Variants in IFT140 observed in about 807,000 individuals in gnomAD.
The protein encoded by IFT140 is intraflagellar transport protein 140 homolog.
In IFT140, 133 loss-of-function variants were observed where a neutral mutation model predicts 164.6. The observed-to-expected ratio is 0.81, with a 90% CI of 0.70 to 0.93. IFT140 has a LOEUF of 0.93. Among genes scored for constraint, IFT140 ranks in the 40% least tolerant of loss-of-function variants. The pLI is 0.00. For synonymous variants in IFT140, 860 were observed against 817.3 expected (o/e 1.05, Z -0.89); for missense variants, 2,045 against 1,972.3 (o/e 1.04, Z -0.70).
intron 13 of IFT140, among the ~76,000 whole-genome samples, chr16:1,573,119 T>C (rs926423394): frequency 5.9e-5 from 9 of 152,140 alleles, no homozygotes; most frequent in African/African-American, 1.2e-4. Flanking sequence ...GAGGGACGGA[T>C]GGCTGGAGTC....
At chr16:1,530,131 A>ATTTTTTTTTTTTTTTTTTTTT (rs2030295926) in intron 19 of IFT140, among the ~76,000 whole-genome samples, 1 of 126,540 alleles carries the variant, frequency 7.9e-6, no homozygotes, top group African/African-American at 3.7e-5. Flanking sequence ...CACGACGGGA[A>ATTTTTTTTTTTTTTTTTTTTT]TCTTTTTTTT....
At chr16:1,578,677 C>T (rs1375691824) in intron 13 of IFT140, among the ~76,000 whole-genome samples, 1 of 151,964 alleles carries the variant, frequency 6.6e-6, no homozygotes, top group Non-Finnish European at 1.5e-5. Flanking sequence ...GTCAGGAGTT[C>T]AAGACCAGCC....
intron 19 of IFT140, among the ~76,000 whole-genome samples, chr16:1,552,592 C>T (rs1448967009): frequency 1.3e-5 from 2 of 152,066 alleles, no homozygotes; most frequent in African/African-American, 2.4e-5. Flanking sequence ...GGGCACATTC[C>T]GCACTGGTAG....
intron 20 of IFT140, 145 bp from the exon 21 acceptor site, chr16:1,526,222 G>T: frequency 1.3e-6 from 1 of 766,338 alleles, no homozygotes; most frequent in Non-Finnish European, 2.1e-6. Flanking sequence ...CACAGCAAAC[G>T]CCACACACCC....
At chr16:1,580,406 T>C (rs1845605926) in intron 13 of IFT140, 1 of 184,446 alleles carries the variant, frequency 5.4e-6, no homozygotes, top group African/African-American at 2.4e-5. Context: ...AGTTTCCTAG[T>C]GTGTTCTGTG....
rs540897532 is a variant in IFT140 at position 1,531,681 on chromosome 16, C to G, written c.2400-4885G>C. 2.0e-5 allele frequency: 3 copies of G among 152,330 alleles called. No individual in the cohort carries two copies. The highest frequency in any genetic ancestry group is 1.3e-4 in the Admixed American group (2 of 15,290). 9.4% of individuals were successfully genotyped at this position (152,330 alleles called of 1,614,324 possible). On this transcript the variant is annotated intron_variant, in intron 19 of 30. Coordinates refer to ENST00000426508, the MANE Select transcript of IFT140 (RefSeq NM_014714.4). This position sits in a 1 kb window ranked among gnomAD's most constrained non-coding sequence, Gnocchi z 4.7. ...TCCCAGGCCTTCCGCCCTCCCGCGCCCAGCCTGCCATAGCGCGCAGGGTTA... is the reference window on the plus strand; with the variant it reads ...TCCCAGGCCTTCCGCCCTCCCGCGCGCAGCCTGCCATAGCGCGCAGGGTTA...
intron 4 of IFT140, among the ~76,000 whole-genome samples, chr16:1,596,214 TC>T (rs902089767): frequency 7.3e-4 from 103 of 141,246 alleles, no homozygotes; most frequent in Non-Finnish European, 8.3e-4. Flanking sequence ...CCTCCCAGCC[TC>T]CTCCCTGGAG....
At chr16:1,527,549 C>T (rs888997786) in intron 19 of IFT140, among the ~76,000 whole-genome samples, 10 of 152,156 alleles carry the variant, frequency 6.6e-5, no homozygotes, top group Non-Finnish European at 1.5e-5. Flanking sequence ...GGTGCAGGGA[C>T]GGTGGAAGTC....
At position 1,586,285 on chromosome 16, in the gene IFT140, G is replaced by A. The variant is rs376722338; in HGVS notation, c.1010-10C>T. ...CCAGCGGCCAGAAGACCTACAGGTAGAAACAAACTGCATGTGAACAGAGTT... is the reference window on the plus strand; with the variant it reads ...CCAGCGGCCAGAAGACCTACAGGTAAAAACAAACTGCATGTGAACAGAGTT... On this transcript the variant is annotated splice_polypyrimidine_tract_variant and intron_variant, in intron 9 of 30. Transcript: ENST00000426508. The A allele has an allele frequency of 1.7e-4, 279 of 1,608,402 alleles. No homozygotes were observed. Among genetic ancestry groups the A allele is most frequent in the Non-Finnish European group, 2.3e-4 (266 of 1,177,434 alleles).
At chr16:1,542,012 G>C (rs753697669) in intron 19 of IFT140, 1 of 1,611,384 alleles carries the variant, frequency 6.2e-7, no homozygotes, top group Non-Finnish European at 8.5e-7. Context: ...TGGTGGGCCT[G>C]CCCCTGCTGT....
intron 19 of IFT140, among the ~76,000 whole-genome samples, chr16:1,530,543 C>G (rs2030355905): frequency 6.6e-6 from 1 of 151,704 alleles, no homozygotes; most frequent in Non-Finnish European, 1.5e-5. Context: ...TGGCTCCTTT[C>G]CTCTCCCTTG....
intron 19 of IFT140, chr16:1,540,958 G>A: frequency 1.0e-6 from 1 of 985,398 alleles, no homozygotes; most frequent in African/African-American, 1.7e-5. Context: ...AGGGGCCTGG[G>A]AACACACTGC....
intron 14 of IFT140, 74 bp from the exon 15 acceptor site, chr16:1,568,408 T>C (rs1271608552): frequency 8.3e-7 from 1 of 1,198,760 alleles, no homozygotes; most frequent in Non-Finnish European, 1.2e-6. Context: ...CTGAAACCTC[T>C]GTTCACCGGA....
intron 30 of IFT140, among the ~76,000 whole-genome samples, chr16:1,512,074 G>C (rs946613031): frequency 1.3e-5 from 2 of 149,768 alleles, no homozygotes; most frequent in Non-Finnish European, 3.0e-5. Context: ...GGGCAATCAA[G>C]TGGTTTCCAG....
chr16:1,598,682 T>C (rs1254249033), intron 4 of IFT140, among the ~76,000 whole-genome samples: 2 of 152,334 alleles, frequency 1.3e-5, no homozygotes, highest in African/African-American at 4.8e-5. Context: ...CCAAGGACAG[T>C]GGTTTGGGCA....
chr16:1,578,072 T>C (rs2034367317), intron 13 of IFT140: 1 of 152,060 alleles, frequency 6.6e-6, no homozygotes, highest in Non-Finnish European at 1.5e-5. Context: ...CAGGAAAACA[T>C]GTGGTCGCGG....
At chr16:1,597,513 G>GT (rs1350045400) in intron 4 of IFT140, among the ~76,000 whole-genome samples, 1 of 152,182 alleles carries the variant, frequency 6.6e-6, no homozygotes, top group African/African-American at 2.4e-5. Flanking sequence ...GATTCCACGG[G>GT]TAACCACAAC....
At chr16:1,608,663 A>G (rs2036196528) in intron 2 of IFT140, among the ~76,000 whole-genome samples, 1 of 151,550 alleles carries the variant, frequency 6.6e-6, no homozygotes, top group African/African-American at 2.4e-5. Flanking sequence ...AAACCCGAAC[A>G]ACAAACAAAC....
chr16:1,554,171 C>A, intron 19 of IFT140: 1 of 1,262,334 alleles, frequency 7.9e-7, no homozygotes, highest in South Asian at 1.2e-5. Context: ...AGGCCCTGGC[C>A]CCATCTCCGC....
Sources: gnomAD v4.1 joint callset for allele counts (sites outside exome capture counted in the v4.1 genomes callset) on GRCh38, gnomAD v4.1.1 for gene constraint, Gnocchi (gnomAD v3.1) non-coding constraint, MANE v1.5 for transcripts, NCBI Gene and HGNC (gene_info 2026-07-23, HGNC 2026-07-21) for gene names.